The following ENTREP2 variants were observed in gnomAD, a reference collection of about 807,000 sequenced individuals.
ENTREP2 encodes protein ENTREP2.
the ENTREP2 span, among the ~76,000 whole-genome samples, chr15:29,567,532 C>T: frequency 2.0e-5 from 3 of 152,178 alleles, no homozygotes; most frequent in African/African-American, 7.2e-5. Flanking sequence ...ACTCATCCCT[C>T]TTCCCCTTAG....
At chr15:29,534,398 C>A in the ENTREP2 span, among the ~76,000 whole-genome samples, 1 of 152,114 alleles carries the variant, frequency 6.6e-6, no homozygotes, top group African/African-American at 2.4e-5. Context: ...CTGTTTTGTA[C>A]TTAGCTACTT....
At chr15:29,398,876 A>T in the ENTREP2 span, among the ~76,000 whole-genome samples, 2 of 152,032 alleles carry the variant, frequency 1.3e-5, no homozygotes, top group African/African-American at 4.8e-5. Context: ...TATGTATGTG[A>T]TTAGGTTACG....
At chr15:29,333,413 C>T in the ENTREP2 span, among the ~76,000 whole-genome samples, 2 of 152,266 alleles carry the variant, frequency 1.3e-5, no homozygotes, top group East Asian at 1.9e-4. Flanking sequence ...AGTCCAGAGA[C>T]ATCCAGCACC....
the ENTREP2 span, among the ~76,000 whole-genome samples, chr15:29,511,803 C>T: frequency 6.8e-6 from 1 of 147,278 alleles, no homozygotes; most frequent in Non-Finnish European, 1.5e-5. Context: ...AAACCCCTTA[C>T]CCCAGCATAT....
chr15:29,410,711 A>G, the ENTREP2 span, among the ~76,000 whole-genome samples: 44 of 152,282 alleles, frequency 2.9e-4, 1 homozygote, highest in African/African-American at 9.9e-4. Context: ...TTCCTTTATC[A>G]TGTTGTTGCA....
At chr15:29,559,867 T>C in the ENTREP2 span, among the ~76,000 whole-genome samples, 3 of 152,170 alleles carry the variant, frequency 2.0e-5, no homozygotes, top group South Asian at 4.1e-4. Flanking sequence ...GATTAGGATG[T>C]GGACTTCTCT....
the ENTREP2 span, among the ~76,000 whole-genome samples, chr15:29,159,778 GAC>G: frequency 6.6e-6 from 1 of 152,210 alleles, no homozygotes; most frequent in Non-Finnish European, 1.5e-5. Flanking sequence ...CCTTGAGCTA[GAC>G]ACAGAGTGCC....
At chr15:29,582,093 C>A in the ENTREP2 span, among the ~76,000 whole-genome samples, 1 of 152,078 alleles carries the variant, frequency 6.6e-6, no homozygotes, top group Non-Finnish European at 1.5e-5. Flanking sequence ...AGGCGTGCAC[C>A]ACCATGCCCG....
the ENTREP2 span, among the ~76,000 whole-genome samples, chr15:29,407,931 C>T: frequency 4.6e-5 from 7 of 152,128 alleles, no homozygotes; most frequent in Admixed American, 2.0e-4. Context: ...CCACCCACCT[C>T]GGCCTCCCAA....
At chr15:29,578,531 G>T in the ENTREP2 span, among the ~76,000 whole-genome samples, 15 of 152,160 alleles carry the variant, frequency 9.9e-5, no homozygotes, top group African/African-American at 3.6e-4. Flanking sequence ...AATAATTAAA[G>T]GTCAACTAAG....
At chr15:29,611,962 C>G in the ENTREP2 span, among the ~76,000 whole-genome samples, 1 of 152,164 alleles carries the variant, frequency 6.6e-6, no homozygotes, top group Non-Finnish European at 1.5e-5. Context: ...GACTTCTGTT[C>G]TCTAATTTTA....
chr15:29,161,292 G>C, the ENTREP2 span, among the ~76,000 whole-genome samples: 1 of 152,158 alleles, frequency 6.6e-6, no homozygotes, highest in African/African-American at 2.4e-5. Flanking sequence ...GATTCCCCAA[G>C]CTCAGTGTTT....
the ENTREP2 span, among the ~76,000 whole-genome samples, chr15:29,308,011 A>C: frequency 6.6e-6 from 1 of 152,256 alleles, no homozygotes; most frequent in Non-Finnish European, 1.5e-5. Flanking sequence ...TAATGTCAAC[A>C]AATAAGTAAT....
the ENTREP2 span, among the ~76,000 whole-genome samples, chr15:29,670,595 G>A: frequency 2.6e-5 from 4 of 152,250 alleles, no homozygotes; most frequent in Middle Eastern, 3.4e-3. Context: ...ATTATTACAC[G>A]CTGAAGCAGA....
At chr15:29,473,666 T>A in the ENTREP2 span, among the ~76,000 whole-genome samples, 1 of 152,130 alleles carries the variant, frequency 6.6e-6, no homozygotes, top group Non-Finnish European at 1.5e-5. Context: ...TTGAAAGAAA[T>A]AATAACTTGT....
chr15:29,280,928 G>A, the ENTREP2 span, among the ~76,000 whole-genome samples: 3 of 152,042 alleles, frequency 2.0e-5, no homozygotes, highest in Non-Finnish European at 4.4e-5. Flanking sequence ...GAGGTGGTTG[G>A]GAAAGCAAGT....
chr15:29,235,577 C>T, the ENTREP2 span, among the ~76,000 whole-genome samples: 3 of 152,124 alleles, frequency 2.0e-5, no homozygotes, highest in African/African-American at 7.2e-5. Flanking sequence ...GCAGCTAAAG[C>T]AATACTGAGA....
chr15:29,427,972 C>T, the ENTREP2 span, among the ~76,000 whole-genome samples: 3 of 152,138 alleles, frequency 2.0e-5, no homozygotes, highest in African/African-American at 7.2e-5. Context: ...CCGAAACCAA[C>T]AGAGTGATAA....
chr15:29,351,937 C>G, the ENTREP2 span, among the ~76,000 whole-genome samples: 1 of 152,020 alleles, frequency 6.6e-6, no homozygotes, highest in Non-Finnish European at 1.5e-5. Flanking sequence ...CCACGTCCAA[C>G]TAATTTTACT....
Sources: gnomAD v4.1 joint callset for allele counts (sites outside exome capture counted in the v4.1 genomes callset) on GRCh38, gnomAD v4.1.1 for gene constraint, MANE v1.5 for transcripts, NCBI Gene and HGNC (gene_info 2026-07-23, HGNC 2026-07-21) for gene names.